MAGI2: variants seen among roughly 807,000 people sequenced by gnomAD.
The protein encoded by MAGI2 is membrane-associated guanylate kinase, WW and PDZ domain-containing protein 2.
MAGI2 carries 35 observed loss-of-function variants against 133.3 expected under a neutral mutation model. The ratio of observed to expected loss-of-function variants is 0.26; its 90% CI spans 0.20 to 0.35. The LOEUF is 0.35. MAGI2 is among the 10% of genes least tolerant of loss of function. The pLI, the probability that MAGI2 is intolerant of heterozygous loss-of-function variation, is 1.00. For synonymous variants in MAGI2, 729 were observed against 710.6 expected (o/e 1.03, Z -0.41); for missense variants, 1,636 against 1,863.4 (o/e 0.88, Z 2.25).
Position 78,256,099 on chromosome 7 carries a change from T to C in MAGI2, c.1891A>G (p.Ile631Val). ...CCAGGGCATCCCTGAATGTCAAGTA[T>C]TTGTTTCACCCGCTGTCCTGTAGGA... is the stretch of plus-strand genomic sequence containing the variant. Reference protein sequence around the residue: ...DSPTGQRVKQILDIQGCPGLC... With the variant: ...DSPTGQRVKQVLDIQGCPGLC... The change falls in exon 10 of 22, where the codon ATA becomes GTA. Residue 631 changes from isoleucine (I) to valine (V), a missense_variant. Transcript: ENST00000354212. 1.2e-6 allele frequency: 2 copies of C among 1,613,800 alleles called. No individual in the cohort carries two copies. The highest frequency in any genetic ancestry group is 1.7e-6 in the Non-Finnish European group (2 of 1,179,916).
At chr7:78,302,864 C>T (rs1797949385) in intron 9 of MAGI2, among the ~76,000 whole-genome samples, 1 of 152,190 alleles carries the variant, frequency 6.6e-6, no homozygotes, top group African/African-American at 2.4e-5. Context: ...TAAATTCTTA[C>T]TTTCCTCTTT....
At chr7:78,725,198 G>A (rs1464552168) in intron 2 of MAGI2, among the ~76,000 whole-genome samples, 3 of 152,260 alleles carry the variant, frequency 2.0e-5, no homozygotes, top group East Asian at 1.9e-4. Flanking sequence ...AAGCGTTAAC[G>A]CTTATGGTTT....
chr7:78,977,364 TCAGA>T (rs1804351234), intron 2 of MAGI2, among the ~76,000 whole-genome samples: 1 of 147,410 alleles, frequency 6.8e-6, no homozygotes, highest in African/African-American at 2.5e-5. Flanking sequence ...ACAGGAACAA[TCAGA>T]CAGCCACATG....
intron 2 of MAGI2, among the ~76,000 whole-genome samples, chr7:78,782,493 G>A (rs1240026152): frequency 6.6e-6 from 1 of 152,130 alleles, no homozygotes; most frequent in East Asian, 1.9e-4. Flanking sequence ...GAGGTTCAGA[G>A]CTGGGAATGC....
chr7:78,454,369 C>A (rs569704289), intron 6 of MAGI2, among the ~76,000 whole-genome samples: 1 of 152,228 alleles, frequency 6.6e-6, no homozygotes, highest in South Asian at 2.1e-4. Flanking sequence ...ATTTTTAAGA[C>A]CTGATTTCAG....
chr7:78,905,459 G>A (rs936132518), intron 2 of MAGI2, among the ~76,000 whole-genome samples: 3 of 152,170 alleles, frequency 2.0e-5, no homozygotes, highest in Admixed American at 1.3e-4. Context: ...TGTCTTATAA[G>A]GTTAGGATGA....
At chr7:79,369,339 C>T (rs1361557380) in intron 1 of MAGI2, among the ~76,000 whole-genome samples, 1 of 152,148 alleles carries the variant, frequency 6.6e-6, no homozygotes, top group African/African-American at 2.4e-5. Context: ...TCTCAGTTTT[C>T]CATAGCATTA....
chr7:79,064,970 C>T (rs1338647539), intron 1 of MAGI2, among the ~76,000 whole-genome samples: 1 of 152,020 alleles, frequency 6.6e-6, no homozygotes, highest in Non-Finnish European at 1.5e-5. Flanking sequence ...ATTGGTGGAA[C>T]TACAAAACAG....
At chr7:78,247,204 C>T (rs1033036024) in intron 10 of MAGI2, among the ~76,000 whole-genome samples, 1 of 152,110 alleles carries the variant, frequency 6.6e-6, no homozygotes, top group African/African-American at 2.4e-5. Context: ...TCTCAAAACT[C>T]TTGCCACCAA....
intron 6 of MAGI2, among the ~76,000 whole-genome samples, chr7:78,443,316 AGTG>A (rs1370545755): frequency 6.6e-6 from 1 of 152,136 alleles, no homozygotes; most frequent in Non-Finnish European, 1.5e-5. Context: ...GCACTGGAGA[AGTG>A]GGGTCCTATC....
At chr7:79,235,443 G>T (rs1417045351) in intron 1 of MAGI2, among the ~76,000 whole-genome samples, 2 of 152,164 alleles carry the variant, frequency 1.3e-5, no homozygotes, top group Non-Finnish European at 2.9e-5. Flanking sequence ...AGCAATCAGC[G>T]AGACTCCGTG....
chr7:78,653,463 G>A (rs1319420915), intron 2 of MAGI2, among the ~76,000 whole-genome samples: 2 of 152,146 alleles, frequency 1.3e-5, no homozygotes, highest in African/African-American at 4.8e-5. Flanking sequence ...CATAGAAAAG[G>A]ATGAGTTCAT....
intron 20 of MAGI2, 54 bp downstream of exon 20, chr7:78,125,640 C>T (rs1820904840): frequency 6.3e-7 from 1 of 1,585,524 alleles, no homozygotes; most frequent in African/African-American, 1.3e-5. Context: ...TCCAATACCA[C>T]AGTCGGTTTT....
chr7:78,177,879 A>T (rs972786767), intron 14 of MAGI2, 132 bp downstream of exon 14: 1 of 590,520 alleles, frequency 1.7e-6, no homozygotes, highest in African/African-American at 1.9e-5. Flanking sequence ...GGAAAAAAAA[A>T]ATCCAAAGCT....
intron 2 of MAGI2, among the ~76,000 whole-genome samples, chr7:78,839,255 A>G (rs745880451): frequency 1.3e-5 from 2 of 152,134 alleles, no homozygotes; most frequent in African/African-American, 2.4e-5. Flanking sequence ...GATTAACATA[A>G]AAATGTAGAA....
intron 9 of MAGI2, among the ~76,000 whole-genome samples, chr7:78,279,300 AT>A (rs1471076472): frequency 1.3e-5 from 2 of 152,024 alleles, no homozygotes; most frequent in Non-Finnish European, 2.9e-5. Context: ...GTCCAAAAAC[AT>A]TTGTCTAGGG....
intron 1 of MAGI2, among the ~76,000 whole-genome samples, chr7:79,197,463 C>T (rs911098512): frequency 6.6e-6 from 1 of 151,966 alleles, no homozygotes; most frequent in African/African-American, 2.4e-5. Context: ...TCACAACCAG[C>T]GCTTGCTCCA....
chr7:78,676,715 T>G (rs1815074597), intron 2 of MAGI2, among the ~76,000 whole-genome samples: 1 of 152,146 alleles, frequency 6.6e-6, no homozygotes, highest in Admixed American at 6.6e-5. Flanking sequence ...TATTACATTA[T>G]GGATGAATAA....
intron 10 of MAGI2, among the ~76,000 whole-genome samples, chr7:78,219,355 C>T (rs1364204478): frequency 6.6e-6 from 1 of 152,144 alleles, no homozygotes; most frequent in Non-Finnish European, 1.5e-5. Flanking sequence ...GATTGAATGG[C>T]TACTGCAGGC....
Sources: gnomAD v4.1 joint callset for allele counts (sites outside exome capture counted in the v4.1 genomes callset) on GRCh38, gnomAD v4.1.1 for gene constraint, MANE v1.5 for transcripts, NCBI Gene and HGNC (gene_info 2026-07-23, HGNC 2026-07-21) for gene names.